Variants in SV2C observed in about 807,000 individuals in gnomAD.
SV2C encodes synaptic vesicle glycoprotein 2C, also known as solute carrier family 22 member B3.
Under a neutral mutation model 79.7 loss-of-function variants are expected in SV2C, and 49 were observed. The observed-to-expected ratio is 0.61, with a 90% CI of 0.49 to 0.78. The LOEUF is 0.78. Ranked by LOEUF, SV2C falls within the 30% of genes least tolerant of loss-of-function variation. The pLI is 0.00. For missense variants in SV2C, 833 were observed against 912.9 expected (o/e 0.91, Z 1.13); for synonymous variants, 334 against 333.2 (o/e 1.00, Z -0.03).
intron 11 of SV2C, 58 bp downstream of exon 11, chr5:76,300,990 T>C: frequency 6.4e-7 from 1 of 1,568,066 alleles, no homozygotes; most frequent in Non-Finnish European, 8.8e-7. Flanking sequence ...AGAGGGACCC[T>C]GTTTCCCCCT....
At chr5:76,127,856 G>C (rs1040251627) in intron 1 of SV2C, among the ~76,000 whole-genome samples, 2 of 152,144 alleles carry the variant, frequency 1.3e-5, no homozygotes, top group Admixed American at 1.3e-4. Context: ...ATACTCCAGA[G>C]TTCCTCCTGA....
intron 4 of SV2C, among the ~76,000 whole-genome samples, chr5:76,260,726 C>T (rs1006942864): frequency 1.3e-5 from 2 of 152,076 alleles, no homozygotes; most frequent in African/African-American, 4.8e-5. Context: ...TTGTTTTTGT[C>T]AGGTTTGTCA....
chr5:76,173,899 G>C (rs1272374651), intron 2 of SV2C: 1 of 1,593,968 alleles, frequency 6.3e-7, no homozygotes, highest in Non-Finnish European at 8.6e-7. Flanking sequence ...GTTCTCTCAG[G>C]TCTTGTAAAT....
At chr5:75,898,409 A>G in the SV2C span, among the ~76,000 whole-genome samples, 318 of 152,210 alleles carry the variant, frequency 2.1e-3, no homozygotes, top group Non-Finnish European at 3.5e-3. Flanking sequence ...TGCATCCCAG[A>G]GATGAAGCCC....
At chr5:75,885,590 T>TA in the SV2C span, among the ~76,000 whole-genome samples, 6 of 152,116 alleles carry the variant, frequency 3.9e-5, no homozygotes, top group African/African-American at 9.6e-5. Flanking sequence ...ACATTCTTTT[T>TA]AAAAAAAGTA....
the SV2C span, among the ~76,000 whole-genome samples, chr5:76,043,321 C>T: frequency 1.3e-5 from 2 of 152,150 alleles, no homozygotes; most frequent in South Asian, 2.1e-4. Context: ...GGCTGAAGTA[C>T]TTGTGGGTAT....
At chr5:76,102,224 AG>A (rs1276525052) in intron 1 of SV2C, among the ~76,000 whole-genome samples, 5 of 152,144 alleles carry the variant, frequency 3.3e-5, no homozygotes, top group African/African-American at 4.8e-5. Context: ...CCAGAACCAC[AG>A]TGCACTCCCT....
chr5:76,003,861 C>A, the SV2C span, among the ~76,000 whole-genome samples: 2 of 151,784 alleles, frequency 1.3e-5, no homozygotes, highest in Non-Finnish European at 2.9e-5. Flanking sequence ...AAAAGTCAGG[C>A]CGACTGTCTA....
At chr5:76,316,026 T>C (rs1748605191) in intron 12 of SV2C, among the ~76,000 whole-genome samples, 1 of 152,204 alleles carries the variant, frequency 6.6e-6, no homozygotes, top group Non-Finnish European at 1.5e-5. Flanking sequence ...AAAGCTCCCA[T>C]TAGCCAATGG....
chr5:75,882,028 A>T, the SV2C span, among the ~76,000 whole-genome samples: 1 of 150,044 alleles, frequency 6.7e-6, no homozygotes, highest in African/African-American at 2.5e-5. Context: ...ATTTTGTCAA[A>T]GGCCTTTTCT....
Position 76,153,100 on chromosome 5 carries a change from C to A in SV2C, c.580+20770C>A, listed in dbSNP as rs141383862. Among the ~76,000 whole-genome samples, 73 of 152,274 alleles carry A rather than the reference C, an allele frequency of 4.8e-4. No individual in the cohort carries two copies. In the East Asian group the frequency reaches 0.013, roughly 26 times the overall value. On this transcript the variant is annotated intron_variant, in intron 2 of 12. Coordinates refer to ENST00000502798, the MANE Select transcript of SV2C (RefSeq NM_014979.4). ...TGCCAAATTCTCTCCAGCCTGGGAA[C>A]GTTGCTTCCTCCAAACCCTCTGGGG... is the stretch of plus-strand genomic sequence containing the variant.
chr5:75,893,659 G>A, the SV2C span, among the ~76,000 whole-genome samples: 1 of 152,092 alleles, frequency 6.6e-6, no homozygotes. Context: ...TACCATCTGG[G>A]TGATGGGTTT....
At chr5:75,897,214 A>C in the SV2C span, among the ~76,000 whole-genome samples, 1 of 151,458 alleles carries the variant, frequency 6.6e-6, no homozygotes, top group Non-Finnish European at 1.5e-5. Context: ...CTAACATGTA[A>C]GTCTTTAATC....
At chr5:76,283,174 A>G (rs1747248548) in intron 4 of SV2C, among the ~76,000 whole-genome samples, 1 of 152,148 alleles carries the variant, frequency 6.6e-6, no homozygotes, top group Admixed American at 6.5e-5. Flanking sequence ...TTAGCTGGGC[A>G]TGATGGTGTG....
intron 12 of SV2C, among the ~76,000 whole-genome samples, chr5:76,316,308 G>T (rs918814099): frequency 6.6e-6 from 1 of 152,164 alleles, no homozygotes; most frequent in Admixed American, 6.5e-5. Flanking sequence ...ACATCCCTGG[G>T]AAGACAGCAG....
chr5:76,220,487 C>A (rs906268894), intron 4 of SV2C, among the ~76,000 whole-genome samples: 1 of 152,038 alleles, frequency 6.6e-6, no homozygotes, highest in Non-Finnish European at 1.5e-5. Context: ...GCCTGGGCAA[C>A]ATGGCAAAAC....
the SV2C span, among the ~76,000 whole-genome samples, chr5:75,993,614 G>A: frequency 3.2e-4 from 49 of 152,176 alleles, no homozygotes; most frequent in African/African-American, 1.2e-3. Flanking sequence ...TTATTTTAAT[G>A]TAATATATTT....
At chr5:76,144,454 G>A (rs959820277) in intron 2 of SV2C, among the ~76,000 whole-genome samples, 3 of 152,070 alleles carry the variant, frequency 2.0e-5, no homozygotes, top group Non-Finnish European at 4.4e-5. Flanking sequence ...CTTGGTTTAG[G>A]GCTGCTTTTA....
intron 2 of SV2C, among the ~76,000 whole-genome samples, chr5:76,159,117 A>G (rs1742824504): frequency 6.6e-6 from 1 of 151,964 alleles, no homozygotes; most frequent in African/African-American, 2.4e-5. Context: ...AAAAACTAGT[A>G]ATAGGAAACA....
Sources: gnomAD v4.1 joint callset for allele counts (sites outside exome capture counted in the v4.1 genomes callset) on GRCh38, gnomAD v4.1.1 for gene constraint, MANE v1.5 for transcripts, NCBI Gene and HGNC (gene_info 2026-07-23, HGNC 2026-07-21) for gene names.